The following PTPRD variants were observed in gnomAD, a reference collection of about 807,000 sequenced individuals.
PTPRD encodes the protein protein tyrosine phosphatase receptor type D, also known as receptor-type tyrosine-protein phosphatase delta.
Under a neutral mutation model 214.5 loss-of-function variants are expected in PTPRD, and 34 were observed. That is an observed-to-expected ratio of 0.16 (90% CI 0.12 to 0.21). The LOEUF (loss-of-function observed/expected upper bound fraction) is 0.21. PTPRD is among the 10% of genes least tolerant of loss of function. PTPRD has a pLI of 1.00. For missense variants in PTPRD, 2,545 were observed against 2,398.7 expected, an observed-to-expected ratio of 1.06 and a Z score of -1.27; for synonymous variants, 1,128 against 845.7, an observed-to-expected ratio of 1.33 and a Z score of -5.79.
chr9:10,083,046 A>G lies in PTPRD; in HGVS notation c.-544-49256T>C, dbSNP rs1011711201. On this transcript the variant is annotated intron_variant, in intron 3 of 45. Transcript: ENST00000381196. ...TTTTCTTATTTGATTTTTTGAACCT[A>G]TATAAATAAATCCCATATCTATAAT... Among the ~76,000 whole-genome samples the G allele has an allele frequency of 3.9e-5, 6 of 152,006 alleles. 1 individual carries two copies. In the South Asian group the frequency reaches 1.2e-3, roughly 32 times the overall value.
At chr9:10,442,617 T>C (rs1289260246) in intron 2 of PTPRD, among the ~76,000 whole-genome samples, 1 of 151,556 alleles carries the variant, frequency 6.6e-6, no homozygotes, top group Non-Finnish European at 1.5e-5. Flanking sequence ...TGGTAGCAAA[T>C]AGTCAGAGAA....
chr9:8,776,703 G>C (rs1369476136), intron 11 of PTPRD, among the ~76,000 whole-genome samples: 1 of 151,502 alleles, frequency 6.6e-6, no homozygotes, highest in Non-Finnish European at 1.5e-5. Context: ...ACATTTGAGA[G>C]GCAGGGATTC....
rs144084885 is a variant in PTPRD, at chr9:10,382,707, T to C, written c.-599-41690A>G. Among the ~76,000 whole-genome samples, 13 of 152,012 alleles carry C rather than the reference T, an allele frequency of 8.6e-5. No homozygotes were observed. In the East Asian group the frequency reaches 2.3e-3, roughly 27 times the overall value. On this transcript the variant is annotated intron_variant, in intron 2 of 45. Coordinates refer to ENST00000381196, the MANE Select transcript of PTPRD (RefSeq NM_002839.4). ...AGAATTCATACAAGTATGCCTGATATAGTTAATGAAACAGGAAACCCTAAG... is the reference window on the plus strand; with the variant it reads ...AGAATTCATACAAGTATGCCTGATACAGTTAATGAAACAGGAAACCCTAAG...
intron 14 of PTPRD, among the ~76,000 whole-genome samples, chr9:8,573,853 C>T (rs2091794114): frequency 1.3e-5 from 2 of 151,878 alleles, no homozygotes; most frequent in East Asian, 1.9e-4. Context: ...TTAATATTTA[C>T]AATTTGTTTA....
At chr9:8,725,232 G>C (rs558544160) in intron 12 of PTPRD, among the ~76,000 whole-genome samples, 20 of 152,144 alleles carry the variant, frequency 1.3e-4, no homozygotes, top group Non-Finnish European at 2.4e-4. Context: ...CCACTTGGCT[G>C]CTTATTTTCT....
At chr9:8,930,537 A>C (rs1443658440) in intron 11 of PTPRD, among the ~76,000 whole-genome samples, 1 of 152,100 alleles carries the variant, frequency 6.6e-6, no homozygotes, top group Non-Finnish European at 1.5e-5. Flanking sequence ...GAATCGCCAC[A>C]CTGTCTTCCA....
chr9:9,479,623 G>A (rs775306979), intron 8 of PTPRD, among the ~76,000 whole-genome samples: 25 of 151,984 alleles, frequency 1.6e-4, no homozygotes, highest in Admixed American at 3.3e-4. Flanking sequence ...AGTATTATTA[G>A]ATACCATTCT....
At chr9:9,601,152 T>TGA (rs1554681731) in intron 7 of PTPRD, among the ~76,000 whole-genome samples, 707 of 67,270 alleles carry the variant, frequency 0.011, 24 homozygotes, top group African/African-American at 0.057. Context: ...TGTGTGTGTA[T>TGA]GGGGGGGGGA....
intron 11 of PTPRD, among the ~76,000 whole-genome samples, chr9:8,798,601 G>C (rs1406972142): frequency 3.3e-5 from 5 of 152,184 alleles, no homozygotes; most frequent in Admixed American, 1.3e-4. Flanking sequence ...TCTAAAAGCT[G>C]TGACTTTTTT....
At chr9:9,682,614 C>G (rs1411547142) in intron 7 of PTPRD, among the ~76,000 whole-genome samples, 3 of 151,692 alleles carry the variant, frequency 2.0e-5, no homozygotes, top group African/African-American at 7.3e-5. Flanking sequence ...GGAGCTAAGC[C>G]TTGGAAGTGC....
chr9:10,113,454 C>A (rs1250158426), intron 3 of PTPRD, among the ~76,000 whole-genome samples: 1 of 152,132 alleles, frequency 6.6e-6, no homozygotes, highest in African/African-American at 2.4e-5. Flanking sequence ...AACTCAAACA[C>A]CAACCTCCAA....
At chr9:10,301,037 T>G (rs2095847916) in intron 3 of PTPRD, among the ~76,000 whole-genome samples, 1 of 152,062 alleles carries the variant, frequency 6.6e-6, no homozygotes, top group Non-Finnish European at 1.5e-5. Flanking sequence ...GTCTGGCAAT[T>G]GCCCCTCTGG....
intron 35 of PTPRD, among the ~76,000 whole-genome samples, chr9:8,413,331 T>A (rs2093670696): frequency 6.6e-6 from 1 of 152,174 alleles, no homozygotes; most frequent in Non-Finnish European, 1.5e-5. Context: ...AATTAACTTT[T>A]GTTAATGTTC....
At chr9:9,789,874 TA>T (rs1385965436) in intron 5 of PTPRD, among the ~76,000 whole-genome samples, 3 of 148,050 alleles carry the variant, frequency 2.0e-5, no homozygotes, top group African/African-American at 7.5e-5. Flanking sequence ...AAACTTAAGG[TA>T]AACATTGTAG....
At chr9:10,380,384 A>G (rs2097795924) in intron 2 of PTPRD, among the ~76,000 whole-genome samples, 1 of 152,080 alleles carries the variant, frequency 6.6e-6, no homozygotes, top group African/African-American at 2.4e-5. Context: ...TGAGAGTAAG[A>G]TGGTTTTGAA....
At chr9:9,560,186 T>C (rs978583316) in intron 8 of PTPRD, among the ~76,000 whole-genome samples, 1 of 152,132 alleles carries the variant, frequency 6.6e-6, no homozygotes, top group South Asian at 2.1e-4. Context: ...CTGTGGACCT[T>C]ACTTACTTAA....
intron 11 of PTPRD, among the ~76,000 whole-genome samples, chr9:8,763,265 A>T (rs1424296553): frequency 6.6e-6 from 1 of 152,108 alleles, no homozygotes; most frequent in Non-Finnish European, 1.5e-5. Context: ...TAATCCCAGC[A>T]CTTTGGGAGG....
chr9:8,764,391 C>T (rs1051370123), intron 11 of PTPRD, among the ~76,000 whole-genome samples: 1 of 152,112 alleles, frequency 6.6e-6, no homozygotes, highest in Admixed American at 6.5e-5. Context: ...CTTATGTTCC[C>T]AGTAACACCC....
chr9:9,452,237 C>A (rs906593823), intron 8 of PTPRD, among the ~76,000 whole-genome samples: 1 of 151,300 alleles, frequency 6.6e-6, no homozygotes, highest in Non-Finnish European at 1.5e-5. Context: ...AAATGGAAAC[C>A]AATTGACAAT....
Sources: gnomAD v4.1 joint callset for allele counts (sites outside exome capture counted in the v4.1 genomes callset) on GRCh38, gnomAD v4.1.1 for gene constraint, MANE v1.5 for transcripts, NCBI Gene and HGNC (gene_info 2026-07-23, HGNC 2026-07-21) for gene names.